CCSER1: variants seen among roughly 807,000 people sequenced by gnomAD.
The protein encoded by CCSER1 is coiled-coil serine rich protein 1, also known as serine-rich coiled-coil domain-containing protein 1.
A neutral mutation model predicts 82.0 loss-of-function variants in CCSER1; 41 were observed. That is an observed-to-expected ratio of 0.50 (90% CI 0.39 to 0.65). CCSER1 has a LOEUF of 0.65. Among genes scored for constraint, CCSER1 ranks in the 30% least tolerant of loss-of-function variants. The pLI, the probability that CCSER1 is intolerant of heterozygous loss-of-function variation, is 0.00. For synonymous variants in CCSER1, 414 were observed against 383.9 expected (o/e 1.08, Z -0.92); for missense variants, 1,119 against 1,064.2 (o/e 1.05, Z -0.72).
At chr4:91,258,314 A>G (rs1433985254) in intron 10 of CCSER1, among the ~76,000 whole-genome samples, 2 of 152,142 alleles carry the variant, frequency 1.3e-5, no homozygotes, top group South Asian at 4.1e-4. Context: ...TTTGTGTGCA[A>G]TAAGATACAA....
intron 10 of CCSER1, among the ~76,000 whole-genome samples, chr4:91,289,923 A>G (rs957367246): frequency 1.3e-5 from 2 of 152,048 alleles, no homozygotes; most frequent in Non-Finnish European, 2.9e-5. Context: ...CAGGCATATT[A>G]TATTCAAAAT....
chr4:90,861,922 A>AT (rs1265943061), intron 8 of CCSER1, among the ~76,000 whole-genome samples: 11 of 102,262 alleles, frequency 1.1e-4, no homozygotes, highest in Middle Eastern at 5.0e-3. Context: ...ATATATATAT[A>AT]TATATTTTTT....
At chr4:91,215,651 G>C (rs887713990) in intron 10 of CCSER1, among the ~76,000 whole-genome samples, 2 of 152,110 alleles carry the variant, frequency 1.3e-5, no homozygotes, top group Non-Finnish European at 1.5e-5. Context: ...ATGGTGCCAC[G>C]CAGATTTGAG....
chr4:90,244,041 A>G (rs924102190), intron 1 of CCSER1, among the ~76,000 whole-genome samples: 1 of 152,166 alleles, frequency 6.6e-6, no homozygotes, highest in Admixed American at 6.5e-5. Context: ...CTGTTATCTC[A>G]TTATACCAAT....
chr4:91,072,789 GT>G (rs1343725385), intron 9 of CCSER1, among the ~76,000 whole-genome samples: 14 of 151,850 alleles, frequency 9.2e-5, no homozygotes, highest in Non-Finnish European at 1.8e-4. Flanking sequence ...ATTAGTAATG[GT>G]AACATATTGT....
intron 9 of CCSER1, among the ~76,000 whole-genome samples, chr4:91,048,279 TATTTACACATAA>T (rs1214143281): frequency 2.6e-5 from 4 of 151,948 alleles, no homozygotes; most frequent in Non-Finnish European, 5.9e-5. Context: ...TACACACATA[TATTTACACATAA>T]ATAAAATATC....
At chr4:90,806,716 A>C (rs1757561022) in intron 7 of CCSER1, among the ~76,000 whole-genome samples, 1 of 152,160 alleles carries the variant, frequency 6.6e-6, no homozygotes. Context: ...TGAGTGAACA[A>C]GGGAGTAGTA....
chr4:91,570,575 T>C (rs1763127084), intron 10 of CCSER1, among the ~76,000 whole-genome samples: 1 of 152,204 alleles, frequency 6.6e-6, no homozygotes, highest in Non-Finnish European at 1.5e-5. Flanking sequence ...GCTTGCACCC[T>C]CTGAAGCCAC....
intron 10 of CCSER1, among the ~76,000 whole-genome samples, chr4:91,293,868 T>C (rs1743957121): frequency 6.6e-6 from 1 of 151,980 alleles, no homozygotes. Flanking sequence ...AAAATTACAT[T>C]ATATTTGTTT....
intron 10 of CCSER1, among the ~76,000 whole-genome samples, chr4:91,231,072 A>G (rs2149115510): frequency 6.6e-6 from 1 of 152,054 alleles, no homozygotes; most frequent in East Asian, 1.9e-4. Flanking sequence ...TAAAATAAAG[A>G]TTTGATTTAG....
intron 7 of CCSER1, chr4:90,780,810 T>C (rs1753667131): frequency 9.2e-7 from 1 of 1,083,050 alleles, no homozygotes; most frequent in Non-Finnish European, 1.1e-6. Context: ...ATGCGTGATC[T>C]TTTAGAGACC....
chr4:91,471,093 G>A (rs1757249779), intron 10 of CCSER1, among the ~76,000 whole-genome samples: 1 of 152,096 alleles, frequency 6.6e-6, no homozygotes. Flanking sequence ...ACAGTGCCAT[G>A]GGCTAATCGT....
intron 10 of CCSER1, among the ~76,000 whole-genome samples, chr4:91,196,335 A>T (rs552883185): frequency 6.6e-6 from 1 of 152,314 alleles, no homozygotes; most frequent in East Asian, 1.9e-4. Context: ...AACTTAAGAG[A>T]CACTCTTCTT....
intron 10 of CCSER1, among the ~76,000 whole-genome samples, chr4:91,264,084 G>C (rs1484793520): frequency 6.6e-6 from 1 of 151,824 alleles, no homozygotes; most frequent in African/African-American, 2.4e-5. Flanking sequence ...GTGTTCTGCT[G>C]ACTTTTAACA....
intron 10 of CCSER1, among the ~76,000 whole-genome samples, chr4:91,379,403 G>A (rs1048675033): frequency 3.3e-5 from 5 of 152,054 alleles, no homozygotes; most frequent in African/African-American, 1.2e-4. Flanking sequence ...TGGTTGGTAG[G>A]CTCTTAATTA....
chr4:90,703,227 T>C (rs1738538064), intron 6 of CCSER1, among the ~76,000 whole-genome samples: 1 of 152,246 alleles, frequency 6.6e-6, no homozygotes, highest in Admixed American at 6.5e-5. Context: ...CATTTCGTTA[T>C]GTACCCAGTA....
chr4:91,319,104 C>A, intron 10 of CCSER1: 1 of 281,390 alleles, frequency 3.6e-6, no homozygotes, highest in Non-Finnish European at 7.2e-6. Flanking sequence ...GTAATTAAGA[C>A]AGACGGTATC....
rs758909989 is a variant in CCSER1 at position 91,598,709 on chromosome 4, C to T, written c.2355C>T (p.Leu785=). 3 of 1,551,422 alleles carry T rather than the reference C, an allele frequency of 1.9e-6. No individual in the cohort carries two copies. Among genetic ancestry groups the T allele is most frequent in the South Asian group, 1.2e-5 (1 of 84,056 alleles). The change falls in exon 11 of 11, where the codon CTC becomes CTT. Residue 785 remains leucine, a synonymous_variant. Coordinates refer to ENST00000509176, the MANE Select transcript of CCSER1 (RefSeq NM_001145065.2). The part of the protein sequence containing the change: ...TSPYKNKTCQ[L]PSLCLSNFLK... Reference sequence around the variant, plus strand: ...CCTACAAAAACAAGACCTGTCAACTCCCAAGTCTCTGTTTAAGTAATTTCC... The same window carrying T: ...CCTACAAAAACAAGACCTGTCAACTTCCAAGTCTCTGTTTAAGTAATTTCC...
intron 7 of CCSER1, among the ~76,000 whole-genome samples, chr4:90,811,969 CAT>C (rs34117865): frequency 0.27 from 34,665 of 129,098 alleles, 4,705 homozygotes; most frequent in African/African-American, 0.35. Context: ...TATATATACA[CAT>C]ATATATATAT....
Sources: gnomAD v4.1 joint callset for allele counts (sites outside exome capture counted in the v4.1 genomes callset) on GRCh38, gnomAD v4.1.1 for gene constraint, MANE v1.5 for transcripts, NCBI Gene and HGNC (gene_info 2026-07-23, HGNC 2026-07-21) for gene names.